ZNF608: variants seen among roughly 807,000 people sequenced by gnomAD.
ZNF608 encodes zinc finger protein 608, also known as renal carcinoma antigen NY-REN-36.
ZNF608 carries 12 observed loss-of-function variants against 109.0 expected under a neutral mutation model. The observed-to-expected ratio is 0.11, with a 90% CI of 0.07 to 0.18. The LOEUF is 0.18. Ranked by LOEUF, ZNF608 falls within the 10% of genes least tolerant of loss-of-function variation. The probability of loss-of-function intolerance (pLI) is 1.00; values close to 1 mark genes in which losing one functional copy is unlikely to be tolerated. For synonymous variants in ZNF608, 732 were observed against 717.4 expected, an observed-to-expected ratio of 1.02 and a Z score of -0.33; for missense variants, 1,707 against 1,879.3, an observed-to-expected ratio of 0.91 and a Z score of 1.70.
At chr5:124,694,708 C>G (rs1021555446) in intron 3 of ZNF608, among the ~76,000 whole-genome samples, 1 of 151,824 alleles carries the variant, frequency 6.6e-6, no homozygotes, top group South Asian at 2.1e-4. Context: ...TCTCCTAATG[C>G]TATCCCTCCC....
At chr5:124,641,171 T>C (rs1750217282) in intron 8 of ZNF608, 81 bp downstream of exon 8, 1 of 1,580,142 alleles carries the variant, frequency 6.3e-7, no homozygotes, top group Non-Finnish European at 8.7e-7. Context: ...AGCTCAATAT[T>C]TTTAAGATGT....
At chr5:124,702,539 AT>A (rs1220862786) in intron 2 of ZNF608, among the ~76,000 whole-genome samples, 1 of 150,908 alleles carries the variant, frequency 6.6e-6, no homozygotes, top group Non-Finnish European at 1.5e-5. Context: ...AAAAGAGTGT[AT>A]TTCAAGAGTC....
intron 2 of ZNF608, chr5:124,710,224 G>A (rs1236244512): frequency 2.2e-6 from 1 of 455,918 alleles, no homozygotes; most frequent in South Asian, 1.6e-5. Flanking sequence ...AGAAAGGCAG[G>A]AAGAAAGGAA....
rs527366963 is a variant in ZNF608 at position 124,668,412 on chromosome 5, G to A, written c.1163-18715C>T. 5.2e-4 allele frequency among the ~76,000 whole-genome samples: 79 copies of A among 150,938 alleles called. 1 individual carries two copies. Among genetic ancestry groups the A allele is most frequent in the South Asian group, 5.2e-3 (25 of 4,778 alleles). On this transcript the variant is annotated intron_variant, in intron 3 of 9. Coordinates refer to ENST00000513986, the MANE Select transcript of ZNF608 (RefSeq NM_020747.3). ...CACCACACAGAAAAAAAAAAATCAC[G>A]TAATTTTCAAGCACAAAAGAATCTT... is the stretch of plus-strand genomic sequence containing the variant.
chr5:124,649,323 G>GA (rs1376887899), intron 4 of ZNF608, among the ~76,000 whole-genome samples, 190 bp from the exon 5 acceptor site: 2 of 152,068 alleles, frequency 1.3e-5, no homozygotes, highest in East Asian at 3.9e-4. Flanking sequence ...TTCTTCCTCA[G>GA]AAAAACCAAA....
rs116267811 is a variant in ZNF608 at position 124,653,007 on chromosome 5, C to G, written c.1163-3310G>C. Among the ~76,000 whole-genome samples the G allele has an allele frequency of 3.3e-3, 507 of 152,304 alleles. 1 individual carries two copies. The highest frequency in any genetic ancestry group is 0.011 in the African/African-American group (456 of 41,574). On this transcript the variant is annotated intron_variant, in intron 3 of 9. Coordinates refer to ENST00000513986, the MANE Select transcript of ZNF608 (RefSeq NM_020747.3). ...GACGTTCTATACAGGTACTTTTCAT[C>G]TTTATATTCAAGTATTCTACCAGGT...
At chr5:124,738,272 G>A (rs1280808442) in intron 2 of ZNF608, among the ~76,000 whole-genome samples, 1 of 152,136 alleles carries the variant, frequency 6.6e-6, no homozygotes, top group African/African-American at 2.4e-5. Context: ...AAGAATCCTA[G>A]CGAAGAAGGG....
intron 4 of ZNF608, 39 bp from the exon 5 acceptor site, chr5:124,649,172 C>A (rs1270688210): frequency 1.3e-6 from 2 of 1,495,060 alleles, no homozygotes; most frequent in Non-Finnish European, 1.8e-6. Flanking sequence ...TGAGCATCCC[C>A]AAAAGAGCCA....
Position 124,643,584 on chromosome 5 carries a change from T to C in ZNF608, c.4223A>G (p.Lys1408Arg). 6.2e-7 allele frequency: 1 copy of C among 1,614,190 alleles called. No individual in the cohort carries two copies. The change falls in exon 7 of 10, where the codon AAA becomes AGA. Residue 1408 changes from lysine to arginine, a missense_variant. By Grantham distance (26) the Lys-to-Arg change is conservative (BLOSUM62 2). Coordinates refer to ENST00000513986, the MANE Select transcript of ZNF608 (RefSeq NM_020747.3). ...KVNTSPSVNT[K>R]TTTESKALDL... The stretch of plus-strand genomic sequence containing the variant: ...CAGTGCTTTAGATTCAGTGGTTGTT[T>C]TCGTGTTGACGCTAGGGCTGGTATT...
In ZNF608 at chr5:124,739,853, C is replaced by T. The variant is rs943182468; in HGVS notation, c.906+4231G>A. On this transcript the variant is annotated intron_variant, in intron 2 of 9. Coordinates refer to ENST00000513986, the MANE Select transcript of ZNF608 (RefSeq NM_020747.3). ...AACAGATGGTACTTTCCATGTTGTT[C>T]GAATCTGGTTATTGAACACCTCTGT... is the stretch of plus-strand genomic sequence containing the variant. Among the ~76,000 whole-genome samples, 5 of 152,102 alleles carry T rather than the reference C, an allele frequency of 3.3e-5. No homozygotes were observed. In the East Asian group the frequency reaches 9.6e-4, roughly 29 times the overall value.
chr5:124,733,874 A>G (rs1561591363), intron 2 of ZNF608, among the ~76,000 whole-genome samples: 1 of 152,226 alleles, frequency 6.6e-6, no homozygotes, highest in Non-Finnish European at 1.5e-5. Context: ...TATACCCTAT[A>G]TATCTAAGAA....
At chr5:124,714,623 T>C (rs1022964863) in intron 2 of ZNF608, among the ~76,000 whole-genome samples, 4 of 152,242 alleles carry the variant, frequency 2.6e-5, no homozygotes, top group African/African-American at 4.8e-5. Flanking sequence ...TATTACCTAA[T>C]TGTATTTAAT....
chr5:124,665,768 A>G (rs1263007071), intron 3 of ZNF608, among the ~76,000 whole-genome samples: 1 of 152,230 alleles, frequency 6.6e-6, no homozygotes, highest in African/African-American at 2.4e-5. Flanking sequence ...AACACAGCCC[A>G]TAACATGCCC....
intron 3 of ZNF608, among the ~76,000 whole-genome samples, chr5:124,654,894 T>G (rs1251077216): frequency 6.6e-6 from 1 of 152,240 alleles, no homozygotes; most frequent in African/African-American, 2.4e-5. Flanking sequence ...TTAAGGCTAT[T>G]TGTCCTACCG....
intron 2 of ZNF608, among the ~76,000 whole-genome samples, chr5:124,702,073 G>T (rs989102300): frequency 6.6e-5 from 10 of 152,162 alleles, no homozygotes; most frequent in Admixed American, 3.3e-4. Context: ...CATCCCCTTT[G>T]CACCGCTATC....
intron 3 of ZNF608, among the ~76,000 whole-genome samples, chr5:124,692,000 T>C (rs1226687511): frequency 6.6e-6 from 1 of 152,244 alleles, no homozygotes; most frequent in Non-Finnish European, 1.5e-5. Flanking sequence ...TCTACATTTT[T>C]ACTTTTCTTC....
At chr5:124,725,136 T>G (rs1754088316) in intron 2 of ZNF608, among the ~76,000 whole-genome samples, 1 of 151,992 alleles carries the variant, frequency 6.6e-6, no homozygotes, top group African/African-American at 2.4e-5. Flanking sequence ...TCTAAAAAGT[T>G]CCCTCCACAA....
At chr5:124,696,915 C>T (rs936301662) in intron 3 of ZNF608, among the ~76,000 whole-genome samples, 3 of 152,058 alleles carry the variant, frequency 2.0e-5, no homozygotes, top group African/African-American at 7.2e-5. Context: ...TTAGAATCAC[C>T]TAGGGAGCTT....
Position 124,715,242 on chromosome 5 carries a change from C to T in ZNF608, c.907-13973G>A, listed in dbSNP as rs920695284. On this transcript the variant is annotated intron_variant, in intron 2 of 9. Transcript: ENST00000513986. ...TAACCATTTATTCTTGCACAGTTAC[C>T]AAGTCAGCTCATTTACTCTTTAACA... is the stretch of plus-strand genomic sequence containing the variant. Among the ~76,000 whole-genome samples the T allele has an allele frequency of 5.3e-5, 8 of 152,034 alleles. No homozygotes were observed. The East Asian group carries it at 1.5e-3, about 29-fold the overall frequency.
Sources: allele counts gnomAD v4.1 joint callset (sites outside exome capture counted in the v4.1 genomes callset), GRCh38; gene constraint gnomAD v4.1.1; transcripts MANE v1.5; gene names NCBI Gene and HGNC (gene_info 2026-07-23, HGNC 2026-07-21).